Variants in EXT1 observed in about 807,000 individuals in gnomAD.
The protein encoded by EXT1 is exostosin-1.
In EXT1, 20 loss-of-function variants were observed where a neutral mutation model predicts 82.5. That is an observed-to-expected ratio of 0.24 (90% CI 0.17 to 0.35). EXT1 has a LOEUF of 0.35. EXT1 is among the 10% of genes least tolerant of loss of function. The pLI, the probability that EXT1 is intolerant of heterozygous loss-of-function variation, is 1.00. For missense variants in EXT1, 757 were observed against 936.5 expected, an observed-to-expected ratio of 0.81 and a Z score of 2.50; for synonymous variants, 348 against 350.8, an observed-to-expected ratio of 0.99 and a Z score of 0.09.
intron 1 of EXT1, among the ~76,000 whole-genome samples, chr8:117,875,145 C>T (rs1414176233): frequency 6.6e-6 from 1 of 151,806 alleles, no homozygotes; most frequent in African/African-American, 2.4e-5. Context: ...GGCCAGGCGC[C>T]GTGGCTCACG....
intron 1 of EXT1, among the ~76,000 whole-genome samples, chr8:117,920,971 A>T (rs192883216): frequency 7.3e-4 from 111 of 152,332 alleles, no homozygotes; most frequent in Non-Finnish European, 1.0e-3. Context: ...CTAAACATAC[A>T]GGATGTACAT....
chr8:117,875,359 T>G (rs930973762), intron 1 of EXT1, among the ~76,000 whole-genome samples: 3 of 151,964 alleles, frequency 2.0e-5, no homozygotes, highest in Non-Finnish European at 2.9e-5. Flanking sequence ...AGGTGGAGGT[T>G]GCAGTGAGCT....
chr8:118,044,129 T>C (rs891526406), intron 1 of EXT1, among the ~76,000 whole-genome samples: 1 of 152,252 alleles, frequency 6.6e-6, no homozygotes, highest in Non-Finnish European at 1.5e-5. Flanking sequence ...AATGGATTTT[T>C]TGTTCCCCTT....
intron 1 of EXT1, among the ~76,000 whole-genome samples, chr8:117,856,252 C>CG (rs1554581437): frequency 7.4e-6 from 1 of 135,656 alleles, no homozygotes; most frequent in African/African-American, 2.7e-5. Context: ...AAGGCTTTTT[C>CG]TTTTTTTTTT....
chr8:118,084,428 T>C (rs973215218), intron 1 of EXT1, among the ~76,000 whole-genome samples: 6 of 152,230 alleles, frequency 3.9e-5, no homozygotes, highest in Non-Finnish European at 7.3e-5. Context: ...CATCCATCTC[T>C]TTCACTGGGC....
chr8:117,889,216 G>A (rs972378535), intron 1 of EXT1, among the ~76,000 whole-genome samples: 5 of 152,124 alleles, frequency 3.3e-5, no homozygotes, highest in South Asian at 4.1e-4. Context: ...ACGGAGCCTC[G>A]TTACCAGGCC....
At chr8:117,867,640 C>A (rs1448487735) in intron 1 of EXT1, among the ~76,000 whole-genome samples, 1 of 152,054 alleles carries the variant, frequency 6.6e-6, no homozygotes, top group Non-Finnish European at 1.5e-5. Flanking sequence ...TCCTACCAAT[C>A]TACAAAGAGA....
chr8:117,990,743 A>G lies in EXT1; in HGVS notation c.962+119342T>C, dbSNP rs533303693. ...CTCTTTTTCATCTTTTGTTTTGTGG[A>G]AAGATGCAAACCCCAAGTAACTGCC... is the stretch of plus-strand genomic sequence containing the variant. On this transcript the variant is annotated intron_variant, in intron 1 of 10. Coordinates refer to ENST00000378204, the MANE Select transcript of EXT1 (RefSeq NM_000127.3). Among the ~76,000 whole-genome samples, 10 of 152,312 alleles carry G rather than the reference A, an allele frequency of 6.6e-5. No individual in the cohort carries two copies. In the South Asian group the frequency reaches 2.1e-3, roughly 32 times the overall value.
chr8:118,068,525 C>T (rs926515019), intron 1 of EXT1, among the ~76,000 whole-genome samples: 3 of 152,144 alleles, frequency 2.0e-5, no homozygotes, highest in Non-Finnish European at 4.4e-5. Flanking sequence ...TGTTCCCCTC[C>T]CTGTGTCCAT....
chr8:118,020,939 T>TAA (rs1816093056), intron 1 of EXT1, among the ~76,000 whole-genome samples: 1 of 152,232 alleles, frequency 6.6e-6, no homozygotes, highest in South Asian at 2.1e-4. Context: ...AAGATAGAGT[T>TAA]AAACCAAATC....
chr8:118,111,520 C>T lies in EXT1; in HGVS notation c.-474G>A. On this transcript the variant is annotated 5_prime_UTR_variant, in exon 1 of 11. Coordinates refer to ENST00000378204, the MANE Select transcript of EXT1 (RefSeq NM_000127.3). ...ACTCTCCGTGCAGAGCACTCCGGTT[C>T]CAACAAGTCAGCCGATCCCGGGTTC... is the stretch of plus-strand genomic sequence containing the variant. 2.2e-6 allele frequency: 1 copy of T among 456,046 alleles called. No homozygotes were observed. Among genetic ancestry groups the T allele is most frequent in the Non-Finnish European group, 3.9e-6 (1 of 259,680 alleles). The allele number at this position is 456,046 out of a possible 1,614,324, so 28.2% of individuals were successfully genotyped here.
At chr8:118,067,952 G>T (rs1433018263) in intron 1 of EXT1, among the ~76,000 whole-genome samples, 3 of 152,204 alleles carry the variant, frequency 2.0e-5, no homozygotes, top group Non-Finnish European at 4.4e-5. Flanking sequence ...CATAGCCATG[G>T]TGGCACATTT....
chr8:118,046,773 C>T (rs533461094), intron 1 of EXT1, among the ~76,000 whole-genome samples: 2 of 152,148 alleles, frequency 1.3e-5, no homozygotes, highest in African/African-American at 2.4e-5. Context: ...AACTAAATGA[C>T]GAACAAAGGG....
intron 1 of EXT1, among the ~76,000 whole-genome samples, chr8:117,902,690 G>A (rs1293470091): frequency 6.6e-6 from 1 of 152,170 alleles, no homozygotes; most frequent in Non-Finnish European, 1.5e-5. Flanking sequence ...CAGTAACCCT[G>A]TGCAAAGAGG....
chr8:118,001,959 A>T (rs984899797), intron 1 of EXT1, among the ~76,000 whole-genome samples: 1 of 152,238 alleles, frequency 6.6e-6, no homozygotes, highest in Non-Finnish European at 1.5e-5. Flanking sequence ...CTTAATGTCT[A>T]TCAGTTGTTC....
Position 117,796,525 on chromosome 8 carries a change from T to C in EXT1, c.*3187A>G, listed in dbSNP as rs2129670504. 6.6e-6 allele frequency: 1 copy of C among 152,306 alleles called. No individual in the cohort carries two copies. Among genetic ancestry groups the C allele is most frequent in the Admixed American group, 6.5e-5 (1 of 15,288 alleles). 9.4% of individuals were successfully genotyped at this position (152,306 alleles called of 1,614,324 possible). ...CAAAATAAAGGCTAACATAGCCTAC[T>C]GTAATGAAAACCAAAAGTCATTCTA... On this transcript the variant is annotated 3_prime_UTR_variant, in exon 11 of 11. Coordinates refer to ENST00000378204, the MANE Select transcript of EXT1 (RefSeq NM_000127.3).
intron 1 of EXT1, among the ~76,000 whole-genome samples, chr8:117,888,383 A>T (rs1427542350): frequency 6.6e-6 from 1 of 152,190 alleles, no homozygotes; most frequent in Non-Finnish European, 1.5e-5. Flanking sequence ...AGACAGCATG[A>T]GTTTCAGATC....
At chr8:117,977,054 T>G (rs1443600953) in intron 1 of EXT1, among the ~76,000 whole-genome samples, 1 of 152,114 alleles carries the variant, frequency 6.6e-6, no homozygotes, top group East Asian at 1.9e-4. Context: ...TGTTAAGGCT[T>G]ATATGAGGAC....
At chr8:117,856,077 C>T (rs951460976) in intron 1 of EXT1, among the ~76,000 whole-genome samples, 1 of 152,150 alleles carries the variant, frequency 6.6e-6, no homozygotes, top group Admixed American at 6.5e-5. Context: ...ACAGCCAAGT[C>T]ATGAATGCAA....
Sources: gnomAD v4.1 joint callset for allele counts (sites outside exome capture counted in the v4.1 genomes callset) on GRCh38, gnomAD v4.1.1 for gene constraint, MANE v1.5 for transcripts, NCBI Gene and HGNC (gene_info 2026-07-23, HGNC 2026-07-21) for gene names.